Variants in TBC1D5 observed in about 807,000 individuals in gnomAD.
TBC1D5 encodes TBC1 domain family, member 5.
TBC1D5 carries 75 observed loss-of-function variants against 100.3 expected under a neutral mutation model. The observed-to-expected ratio is 0.75, with a 90% CI of 0.62 to 0.91. The LOEUF (loss-of-function observed/expected upper bound fraction) is 0.91. Ranked by LOEUF, TBC1D5 falls within the 40% of genes least tolerant of loss-of-function variation. The pLI is 0.00. For synonymous variants in TBC1D5, 323 were observed against 325.6 expected, an observed-to-expected ratio of 0.99 and a Z score of 0.09; for missense variants, 910 against 942.4, an observed-to-expected ratio of 0.97 and a Z score of 0.45.
At chr3:17,604,954 G>A (rs542900678) in intron 2 of TBC1D5, among the ~76,000 whole-genome samples, 3 of 152,322 alleles carry the variant, frequency 2.0e-5, no homozygotes, top group South Asian at 2.1e-4. Flanking sequence ...GGGATTGCAC[G>A]TGTGAACCAC....
At chr3:17,539,571 CA>C (rs2096326939) in intron 2 of TBC1D5, among the ~76,000 whole-genome samples, 1 of 152,068 alleles carries the variant, frequency 6.6e-6, no homozygotes, top group East Asian at 1.9e-4. Flanking sequence ...CTTATCGCTA[CA>C]AAAAGTCGTA....
chr3:17,724,075 CTT>C (rs969049204), intron 1 of TBC1D5, among the ~76,000 whole-genome samples: 33 of 130,992 alleles, frequency 2.5e-4, no homozygotes, highest in African/African-American at 4.9e-4. Flanking sequence ...CGATTGGCAA[CTT>C]TTTTTTTTTT....
At chr3:17,318,219 G>T (rs1407306822) in intron 13 of TBC1D5, among the ~76,000 whole-genome samples, 2 of 121,090 alleles carry the variant, frequency 1.7e-5, no homozygotes, top group East Asian at 5.1e-4. Flanking sequence ...ACACTCTGGG[G>T]ACTGTTGTGG....
intron 3 of TBC1D5, among the ~76,000 whole-genome samples, chr3:17,456,466 A>G (rs1027840258): frequency 6.6e-6 from 1 of 152,228 alleles, no homozygotes; most frequent in African/African-American, 2.4e-5. Context: ...AAAATTTAAC[A>G]ATCTGATTAC....
intron 16 of TBC1D5, among the ~76,000 whole-genome samples, chr3:17,252,779 A>T (rs948927058): frequency 6.6e-6 from 1 of 152,224 alleles, no homozygotes; most frequent in Non-Finnish European, 1.5e-5. Context: ...ATAATCTTAT[A>T]CTAGAATCTG....
intron 1 of TBC1D5, among the ~76,000 whole-genome samples, chr3:17,714,090 T>C (rs1481382547): frequency 1.3e-5 from 2 of 152,180 alleles, no homozygotes; most frequent in Non-Finnish European, 2.9e-5. Flanking sequence ...CTTCCCTCTC[T>C]GGTTCCAGAG....
chr3:17,525,550 T>C (rs2096123201), intron 2 of TBC1D5, among the ~76,000 whole-genome samples: 1 of 152,216 alleles, frequency 6.6e-6, no homozygotes, highest in South Asian at 2.1e-4. Flanking sequence ...AAATCCATTG[T>C]TTCTTATTAC....
At chr3:17,478,007 G>A (rs1017091348) in intron 3 of TBC1D5, among the ~76,000 whole-genome samples, 3 of 152,088 alleles carry the variant, frequency 2.0e-5, no homozygotes, top group Non-Finnish European at 4.4e-5. Context: ...ACTCTCTCTA[G>A]AAATGTGATT....
At chr3:17,577,918 T>C (rs1264927737) in intron 2 of TBC1D5, among the ~76,000 whole-genome samples, 5 of 151,962 alleles carry the variant, frequency 3.3e-5, no homozygotes. Context: ...AGGAGATGAC[T>C]TCCCGTCACT....
intron 2 of TBC1D5, among the ~76,000 whole-genome samples, chr3:17,614,578 A>G (rs972470139): frequency 1.3e-5 from 2 of 152,166 alleles, no homozygotes; most frequent in Non-Finnish European, 2.9e-5. Flanking sequence ...AGTGGTTTGT[A>G]GTTCTCCTTG....
At chr3:17,170,111 G>T (rs547498075) in intron 19 of TBC1D5, among the ~76,000 whole-genome samples, 1 of 152,320 alleles carries the variant, frequency 6.6e-6, no homozygotes, top group South Asian at 2.1e-4. Context: ...CCAGGAGTGG[G>T]AACCCCTGTT....
At chr3:17,266,877 C>G (rs548954189) in intron 15 of TBC1D5, among the ~76,000 whole-genome samples, 41 of 151,652 alleles carry the variant, frequency 2.7e-4, no homozygotes, top group African/African-American at 9.7e-4. Flanking sequence ...CTCATTTATG[C>G]ATCTATAGAG....
intron 4 of TBC1D5, among the ~76,000 whole-genome samples, chr3:17,426,819 T>C (rs1463792588): frequency 1.3e-5 from 2 of 152,052 alleles, no homozygotes; most frequent in African/African-American, 4.8e-5. Flanking sequence ...ACAAATGTAA[T>C]TGTAAAATAC....
chr3:17,512,260 GAATA>G (rs1230755567), intron 2 of TBC1D5, among the ~76,000 whole-genome samples: 1 of 151,896 alleles, frequency 6.6e-6, no homozygotes, highest in African/African-American at 2.4e-5. Context: ...TAATATTTAT[GAATA>G]AATTTTTACC....
At chr3:17,607,979 T>C (rs1335096945) in intron 2 of TBC1D5, among the ~76,000 whole-genome samples, 20 of 152,220 alleles carry the variant, frequency 1.3e-4, no homozygotes, top group Non-Finnish European at 2.6e-4. Context: ...GGGAAATAAA[T>C]GTATCTTTCC....
At chr3:17,737,068 G>A (rs1196370713) in intron 1 of TBC1D5, among the ~76,000 whole-genome samples, 1 of 151,944 alleles carries the variant, frequency 6.6e-6, no homozygotes, top group African/African-American at 2.4e-5. Context: ...AACTCTAAAG[G>A]GGTTCATTCT....
intron 1 of TBC1D5, among the ~76,000 whole-genome samples, chr3:17,715,815 G>T (rs982964162): frequency 6.6e-6 from 1 of 151,974 alleles, no homozygotes; most frequent in African/African-American, 2.4e-5. Context: ...AAAAAAAGGG[G>T]GGGGAGGCCG....
At chr3:17,678,457 A>T (rs117354245) in intron 1 of TBC1D5, among the ~76,000 whole-genome samples, 2,513 of 152,202 alleles carry the variant, frequency 0.017, 50 homozygotes, top group South Asian at 0.047. Context: ...AAAAAGTGGA[A>T]GTGGAGAGAA....
chr3:17,504,996 G>GA (rs1411007914), intron 3 of TBC1D5, among the ~76,000 whole-genome samples: 6 of 151,862 alleles, frequency 4.0e-5, no homozygotes, highest in Admixed American at 6.6e-5. Flanking sequence ...GAATACTTGG[G>GA]AAAAAAACAA....
Sources: allele counts gnomAD v4.1 joint callset (sites outside exome capture counted in the v4.1 genomes callset), GRCh38; gene constraint gnomAD v4.1.1; transcripts MANE v1.5; gene names NCBI Gene and HGNC (gene_info 2026-07-23, HGNC 2026-07-21).